DCAF4: variants seen among roughly 807,000 people sequenced by gnomAD.
The protein encoded by DCAF4 is DDB1- and CUL4-associated factor 4.
A neutral mutation model predicts 60.9 loss-of-function variants in DCAF4; 37 were observed. That is an observed-to-expected ratio of 0.61 (90% CI 0.47 to 0.80). The LOEUF is 0.80. Among genes scored for constraint, DCAF4 ranks in the 30% least tolerant of loss-of-function variants. The pLI, the probability that DCAF4 is intolerant of heterozygous loss-of-function variation, is 0.00. For missense variants in DCAF4, 577 were observed against 650.0 expected (o/e 0.89, Z 1.22); for synonymous variants, 243 against 254.8 (o/e 0.95, Z 0.44).
chr14:72,954,884 A>G (rs1892064411), intron 11 of DCAF4, among the ~76,000 whole-genome samples: 1 of 152,214 alleles, frequency 6.6e-6, no homozygotes, highest in Admixed American at 6.5e-5. Context: ...TGGGAGGCCA[A>G]GATGGGTGGA....
chr14:72,942,835 A>G (rs1890226471), intron 5 of DCAF4, 159 bp from the exon 6 acceptor site: 1 of 633,134 alleles, frequency 1.6e-6, no homozygotes, highest in Non-Finnish European at 2.7e-6. Flanking sequence ...TCAAATTCGG[A>G]TAATCTGGGA....
chr14:72,927,838 C>G (rs995164944), intron 1 of DCAF4, among the ~76,000 whole-genome samples: 3 of 152,166 alleles, frequency 2.0e-5, no homozygotes, highest in Non-Finnish European at 2.9e-5. Flanking sequence ...TGAAGTATTT[C>G]TTAAATAAGT....
At chr14:72,943,415 A>G (rs1179211676) in intron 6 of DCAF4, among the ~76,000 whole-genome samples, 1 of 152,178 alleles carries the variant, frequency 6.6e-6, no homozygotes, top group African/African-American at 2.4e-5. Flanking sequence ...ATATGCAATT[A>G]AAAAGGCTCA....
intron 1 of DCAF4, among the ~76,000 whole-genome samples, chr14:72,934,156 C>CTTTT (rs72429674): frequency 7.6e-4 from 104 of 136,314 alleles, no homozygotes; most frequent in East Asian, 6.8e-3. Flanking sequence ...GTGGCATTTT[C>CTTTT]TTTTTTTTTT....
rs773471575 is a variant in DCAF4 at position 72,945,968 on chromosome 14, C to T, written c.619C>T (p.Leu207=). 1.2e-6 allele frequency: 2 copies of T among 1,614,144 alleles called. No homozygotes were observed. The highest frequency in any genetic ancestry group is 1.7e-5 in the Admixed American group (1 of 60,010). The part of the protein sequence containing the change: ...SKYGIINLQS[L]KTPTLKVFMH... ...GTATGGTATCATCAACCTGCAAAGT[C>T]TGAAGACCCCTACGCTCAAGGTGTT... Residue 207 remains leucine, a synonymous_variant, in exon 7 of 14, where the codon CTG becomes TTG. Coordinates refer to ENST00000358377, the MANE Select transcript of DCAF4 (RefSeq NM_015604.4).
chr14:72,947,240 G>A (rs371555128), intron 8 of DCAF4, 49 bp downstream of exon 8: 28 of 1,605,490 alleles, frequency 1.7e-5, no homozygotes, highest in African/African-American at 4.0e-5. Flanking sequence ...ACACCCTGAC[G>A]TTGGACCTGG....
At position 72,929,779 on chromosome 14, in the gene DCAF4, C is replaced by G. The variant is rs139991878; in HGVS notation, c.-9+3236C>G. 25 of 1,068,490 alleles carry G rather than the reference C, an allele frequency of 2.3e-5. No homozygotes were observed. The East Asian group carries it at 5.4e-4, about 23-fold the overall frequency. The allele number at this position is 1,068,490 out of a possible 1,614,324, so 66.2% of individuals were successfully genotyped here. A position where few individuals can be genotyped will look rare whatever the true frequency, so the allele number is the denominator to read the frequency against. On this transcript the variant is annotated intron_variant, in intron 1 of 13. Coordinates refer to ENST00000358377, the MANE Select transcript of DCAF4 (RefSeq NM_015604.4). ...TCCATGGCGCGCAGCTCGTACGAAG[C>G]GAAGCCACACACCTCCCGGATCATG...
At position 72,929,423 on chromosome 14, in the gene DCAF4, C is replaced by T. The variant is rs7150054; in HGVS notation, c.-9+2880C>T. 5.2e-3 allele frequency among the ~76,000 whole-genome samples: 799 copies of T among 152,330 alleles called. 9 individuals are homozygous for T. Among genetic ancestry groups the T allele is most frequent in the African/African-American group, 0.018 (745 of 41,570 alleles). On this transcript the variant is annotated intron_variant, in intron 1 of 13. Coordinates refer to ENST00000358377, the MANE Select transcript of DCAF4 (RefSeq NM_015604.4). ...CTGTGTTAAATCTCAGATTTGCTGCCGCGCGTGGTGGCTCACGCCTGTCAT... is the reference window on the plus strand; with the variant it reads ...CTGTGTTAAATCTCAGATTTGCTGCTGCGCGTGGTGGCTCACGCCTGTCAT...
chr14:72,954,197 G>A lies in DCAF4; in HGVS notation c.842G>A (p.Arg281Gln), dbSNP rs147365709. The A allele has an allele frequency of 6.2e-5, 100 of 1,613,996 alleles. No homozygotes were observed. The highest frequency in any genetic ancestry group is 8.3e-5 in the Admixed American group (5 of 59,992). ...CGGCCTGGCATGCTCTGCAGTTTCC[G>A]GATCCCTGGTGCCTGGTCCTGTGCC... ...IDRPGMLCSF[R>Q]IPGAWSCAWS... The change falls in exon 10 of 14, where the codon CGG (arginine) becomes CAG (glutamine). Residue 281 changes from arginine (R) to glutamine (Q), a missense_variant. By Grantham distance (43) the Arg-to-Gln change is conservative (BLOSUM62 1). Transcript: ENST00000358377.
At chr14:72,937,674 C>T (rs1307800372) in intron 1 of DCAF4, among the ~76,000 whole-genome samples, 2 of 152,150 alleles carry the variant, frequency 1.3e-5, no homozygotes, top group Non-Finnish European at 2.9e-5. Flanking sequence ...CTGCCTCGGC[C>T]TCCCAAAGTG....
chr14:72,934,401 G>A (rs969535105), intron 1 of DCAF4, among the ~76,000 whole-genome samples: 10 of 151,980 alleles, frequency 6.6e-5, no homozygotes, highest in Non-Finnish European at 7.4e-5. Flanking sequence ...TGATCCACCC[G>A]TCTCGGCCTC....
At chr14:72,951,394 G>A (rs1041543285) in intron 8 of DCAF4, among the ~76,000 whole-genome samples, 8 of 151,998 alleles carry the variant, frequency 5.3e-5, no homozygotes, top group Non-Finnish European at 1.2e-4. Flanking sequence ...GGCGGATCAC[G>A]TGAGGTCGGG....
intron 5 of DCAF4, chr14:72,942,505 A>G: frequency 6.4e-6 from 1 of 157,150 alleles, no homozygotes; most frequent in South Asian, 1.9e-4. Context: ...GAAACACCGT[A>G]GGTATCAGGC....
At position 72,941,747 on chromosome 14, in the gene DCAF4, T is replaced by G. The variant is rs1199890577; in HGVS notation, c.354T>G (p.Ile118Met). Reference sequence around the variant, plus strand: ...TCTCTTTTTTGTAATAAATATAGATTGCCAGGATGGGATTTAATGCATCTT... The same window carrying G: ...TCTCTTTTTTGTAATAAATATAGATGGCCAGGATGGGATTTAATGCATCTT... Reference protein sequence around the residue: ...LLQEEDRRKKIARMGFNASSM... With the variant: ...LLQEEDRRKKMARMGFNASSM... The change falls in exon 5 of 14, where the codon ATT becomes ATG. Residue 118 changes from isoleucine to methionine, a missense_variant and splice_region_variant. Physicochemically the swap from Ile to Met is conservative, Grantham distance 10 (BLOSUM62 1). Coordinates refer to ENST00000358377, the MANE Select transcript of DCAF4 (RefSeq NM_015604.4). 12 of 1,613,456 alleles carry G rather than the reference T, an allele frequency of 7.4e-6. No individual in the cohort carries two copies. The highest frequency in any genetic ancestry group is 1.0e-5 in the Non-Finnish European group (12 of 1,179,782).
rs184655877 is a variant in DCAF4 at position 72,940,297 on chromosome 14, C to T, written c.271C>T (p.Leu91=). The stretch of plus-strand genomic sequence containing the variant: ...CCCTGGACATAACAACTGCAACCCC[C>T]TGACGAAAGAGAGCATCCGGCAGAA... ...LLPGHNNCNP[L]TKESIRQKEM... is the part of the protein sequence containing the mutation. The change falls in exon 4 of 14, where the codon CTG becomes TTG. Residue 91 remains leucine, a synonymous_variant. Coordinates refer to ENST00000358377, the MANE Select transcript of DCAF4 (RefSeq NM_015604.4). 1 of 1,614,156 alleles carries T rather than the reference C, an allele frequency of 6.2e-7. No homozygotes were observed. Among genetic ancestry groups the T allele is most frequent in the Non-Finnish European group, 8.5e-7 (1 of 1,180,032 alleles).
chr14:72,954,718 A>G (rs1892046451), intron 11 of DCAF4, among the ~76,000 whole-genome samples: 2 of 152,216 alleles, frequency 1.3e-5, no homozygotes, highest in African/African-American at 2.4e-5. Context: ...TATTGTGAGC[A>G]GTTCTTGGGT....
chr14:72,933,349 A>G (rs1381774396), intron 1 of DCAF4, among the ~76,000 whole-genome samples: 1 of 152,208 alleles, frequency 6.6e-6, no homozygotes, highest in Non-Finnish European at 1.5e-5. Flanking sequence ...TCACAAGGTC[A>G]GGAGTTCGAG....
intron 1 of DCAF4, among the ~76,000 whole-genome samples, chr14:72,931,988 C>CTTT (rs146250601): frequency 2.6e-5 from 3 of 116,974 alleles, no homozygotes; most frequent in African/African-American, 1.0e-4. Context: ...ATTTTTCCTT[C>CTTT]TTTTTTTTTT....
chr14:72,932,484 G>C (rs890558334), intron 1 of DCAF4, among the ~76,000 whole-genome samples: 1 of 152,164 alleles, frequency 6.6e-6, no homozygotes, highest in Non-Finnish European at 1.5e-5. Flanking sequence ...AAACCAAATT[G>C]TGTTTATTTG....
Sources: gnomAD v4.1 joint callset for allele counts (sites outside exome capture counted in the v4.1 genomes callset) on GRCh38, gnomAD v4.1.1 for gene constraint, MANE v1.5 for transcripts, NCBI Gene and HGNC (gene_info 2026-07-23, HGNC 2026-07-21) for gene names.